STXBP4: variants seen among roughly 807,000 people sequenced by gnomAD.
The protein encoded by STXBP4 is syntaxin-binding protein 4.
Under a neutral mutation model 76.1 loss-of-function variants are expected in STXBP4, and 55 were observed. The ratio of observed to expected loss-of-function variants is 0.72; its 90% confidence interval spans 0.58 to 0.91. The LOEUF is 0.91. Ranked by LOEUF, STXBP4 falls within the 40% of genes least tolerant of loss-of-function variation. The probability of loss-of-function intolerance (pLI) is 0.00; values close to 1 mark genes in which losing one functional copy is unlikely to be tolerated. For missense variants in STXBP4, 618 were observed against 636.9 expected (o/e 0.97, Z 0.32); for synonymous variants, 201 against 220.2 (o/e 0.91, Z 0.77).
chr17:55,002,497 ATG>A (rs1485230616), intron 7 of STXBP4, among the ~76,000 whole-genome samples: 5 of 152,146 alleles, frequency 3.3e-5, no homozygotes, highest in African/African-American at 1.2e-4. Context: ...TTGTTTATAG[ATG>A]TGTGTGTATG....
chr17:54,987,939 CTTA>C (rs1180724270), intron 3 of STXBP4, among the ~76,000 whole-genome samples: 1 of 151,978 alleles, frequency 6.6e-6, no homozygotes, highest in Non-Finnish European at 1.5e-5. Flanking sequence ...TTGTAATTCT[CTTA>C]TTATGAGTAA....
At chr17:55,204,813 A>AACACACACACACACAC in the STXBP4 span, among the ~76,000 whole-genome samples, 1 of 73,096 alleles carries the variant, frequency 1.4e-5, no homozygotes, top group Admixed American at 1.9e-4. Flanking sequence ...TTCAAGATTA[A>AACACACACACACACAC]ACACACACAC....
chr17:55,035,105 AC>A (rs1394226587), intron 10 of STXBP4, among the ~76,000 whole-genome samples: 2 of 151,892 alleles, frequency 1.3e-5, no homozygotes, highest in Non-Finnish European at 2.9e-5. Flanking sequence ...TGAAATGCAA[AC>A]TTTATCATAT....
At chr17:55,097,650 A>G (rs1161364843) in intron 16 of STXBP4, among the ~76,000 whole-genome samples, 1 of 149,072 alleles carries the variant, frequency 6.7e-6, no homozygotes, top group Non-Finnish European at 1.5e-5. Context: ...GCAACAGAGC[A>G]AGACTCCATC....
chr17:55,194,370 T>G, the STXBP4 span, among the ~76,000 whole-genome samples: 1 of 152,128 alleles, frequency 6.6e-6, no homozygotes, highest in Non-Finnish European at 1.5e-5. Flanking sequence ...TATATAAATA[T>G]GAATATACAT....
In STXBP4 at chr17:55,171,287, G is replaced by T. The variant is rs1598363415; in HGVS notation, c.*11376G>T. 2 of 152,274 alleles carry T rather than the reference G, an allele frequency of 1.3e-5. No homozygotes were observed. The highest frequency in any genetic ancestry group is 1.3e-4 in the Admixed American group (2 of 15,292). 9.4% of individuals were successfully genotyped at this position (152,274 alleles called of 1,614,324 possible). A position where few individuals can be genotyped will look rare whatever the true frequency, so the allele number is the denominator to read the frequency against. ...AAAATCCTAGAATTGAGGTGAATTT[G>T]TAAGTTCCTCTAGTCCAACCACCTT... On this transcript the variant is annotated 3_prime_UTR_variant, in exon 18 of 18. Coordinates refer to ENST00000376352, the MANE Select transcript of STXBP4 (RefSeq NM_178509.6).
At chr17:55,193,364 A>G in the STXBP4 span, among the ~76,000 whole-genome samples, 8 of 152,198 alleles carry the variant, frequency 5.3e-5, no homozygotes, top group East Asian at 1.5e-3. Flanking sequence ...TGGGGATTTG[A>G]AAGCAGGCAA....
At chr17:55,101,434 T>C (rs943015843) in intron 16 of STXBP4, among the ~76,000 whole-genome samples, 3 of 152,214 alleles carry the variant, frequency 2.0e-5, no homozygotes. Flanking sequence ...GCAGCTGTTG[T>C]ATTAGAAATA....
chr17:55,138,066 C>T (rs868048240), intron 16 of STXBP4, among the ~76,000 whole-genome samples: 2 of 151,954 alleles, frequency 1.3e-5, no homozygotes, highest in Non-Finnish European at 2.9e-5. Flanking sequence ...ATCTTATTAT[C>T]GATTTGTAGG....
intron 4 of STXBP4, among the ~76,000 whole-genome samples, chr17:54,994,832 A>C (rs926105909): frequency 6.8e-6 from 1 of 145,994 alleles, no homozygotes; most frequent in Non-Finnish European, 1.5e-5. Flanking sequence ...TTTCCATCTC[A>C]TATGCTGTTC....
intron 1 of STXBP4, among the ~76,000 whole-genome samples, chr17:54,974,416 C>T (rs1024680326): frequency 1.3e-5 from 2 of 152,156 alleles, no homozygotes; most frequent in African/African-American, 2.4e-5. Context: ...CTGGCAGTGG[C>T]CTCTGTGCCA....
intron 10 of STXBP4, among the ~76,000 whole-genome samples, chr17:55,040,166 A>G (rs1325426838): frequency 6.6e-6 from 1 of 152,118 alleles, no homozygotes; most frequent in African/African-American, 2.4e-5. Context: ...AATTTCAAGG[A>G]AAAAAAGCCT....
At chr17:55,189,899 T>C in the STXBP4 span, among the ~76,000 whole-genome samples, 5 of 152,340 alleles carry the variant, frequency 3.3e-5, no homozygotes, top group African/African-American at 1.2e-4. Flanking sequence ...ACTTACCTTC[T>C]GAACATCATT....
chr17:55,193,689 C>CCTTA, the STXBP4 span, among the ~76,000 whole-genome samples: 1 of 151,680 alleles, frequency 6.6e-6, no homozygotes, highest in Non-Finnish European at 1.5e-5. Context: ...AGTTTCTAAA[C>CCTTA]TAAGGGGCTT....
intron 1 of STXBP4, among the ~76,000 whole-genome samples, chr17:54,979,612 C>T (rs568056988): frequency 1.3e-5 from 2 of 152,272 alleles, no homozygotes; most frequent in South Asian, 4.1e-4. Flanking sequence ...CCTGAACATG[C>T]CAGATCTTGT....
At chr17:55,019,354 G>A (rs2078263754) in intron 8 of STXBP4, among the ~76,000 whole-genome samples, 1 of 152,014 alleles carries the variant, frequency 6.6e-6, no homozygotes, top group Non-Finnish European at 1.5e-5. Flanking sequence ...ATTTCCTTAA[G>A]ATTTTAACAT....
intron 1 of STXBP4, among the ~76,000 whole-genome samples, chr17:54,975,687 A>G (rs866943341): frequency 6.6e-6 from 1 of 152,086 alleles, no homozygotes; most frequent in East Asian, 1.9e-4. Flanking sequence ...CAAAACTCCA[A>G]ACTTGCTACC....
chr17:55,200,400 A>G, the STXBP4 span, among the ~76,000 whole-genome samples: 1 of 152,248 alleles, frequency 6.6e-6, no homozygotes, highest in Non-Finnish European at 1.5e-5. Context: ...ATAAAAAGGA[A>G]GTGGAAACTT....
At chr17:55,141,860 T>A (rs1210178471) in intron 17 of STXBP4, among the ~76,000 whole-genome samples, 1 of 152,190 alleles carries the variant, frequency 6.6e-6, no homozygotes, top group Non-Finnish European at 1.5e-5. Flanking sequence ...GACTGGTTTC[T>A]TGATAGCATA....
Sources: gnomAD v4.1 joint callset for allele counts (sites outside exome capture counted in the v4.1 genomes callset) on GRCh38, gnomAD v4.1.1 for gene constraint, MANE v1.5 for transcripts, NCBI Gene and HGNC (gene_info 2026-07-23, HGNC 2026-07-21) for gene names.